The following GNAL variants were observed in gnomAD, a reference collection of about 807,000 sequenced individuals.
The protein encoded by GNAL is G protein subunit alpha L, also known as guanine nucleotide-binding protein G(olf) subunit alpha.
A neutral mutation model predicts 55.1 loss-of-function variants in GNAL; 18 were observed. The observed-to-expected ratio is 0.33, with a 90% CI of 0.23 to 0.48. The LOEUF is 0.48. Among genes scored for constraint, GNAL ranks in the 20% least tolerant of loss-of-function variants. The pLI, the probability that GNAL is intolerant of heterozygous loss-of-function variation, is 0.99. For synonymous variants in GNAL, 253 were observed against 237.0 expected (o/e 1.07, Z -0.62); for missense variants, 412 against 614.1 (o/e 0.67, Z 3.48).
intron 11 of GNAL, among the ~76,000 whole-genome samples, chr18:11,878,504 A>G (rs1304135064): frequency 6.6e-6 from 1 of 152,212 alleles, no homozygotes. Context: ...TAATGACTCC[A>G]TTCCCTTAAT....
At chr18:11,842,435 T>C (rs886212475) in intron 5 of GNAL, among the ~76,000 whole-genome samples, 2 of 152,204 alleles carry the variant, frequency 1.3e-5, no homozygotes, top group Non-Finnish European at 1.5e-5. Context: ...TGTGCTCTTC[T>C]ATTACGATTA....
chr18:11,837,003 GA>G (rs1400887799), intron 5 of GNAL, among the ~76,000 whole-genome samples: 1 of 152,126 alleles, frequency 6.6e-6, no homozygotes, highest in East Asian at 1.9e-4. Context: ...ACCCAGGCTG[GA>G]GTGCAGTGGC....
At chr18:11,793,664 G>A (rs2034297695) in intron 4 of GNAL, among the ~76,000 whole-genome samples, 1 of 148,604 alleles carries the variant, frequency 6.7e-6, no homozygotes, top group African/African-American at 2.5e-5. Flanking sequence ...AGTGGCTCAC[G>A]CCTGTAATCC....
At chr18:11,832,742 C>T (rs147644197) in intron 5 of GNAL, among the ~76,000 whole-genome samples, 2,527 of 151,968 alleles carry the variant, frequency 0.017, 68 homozygotes, top group African/African-American at 0.058. Context: ...CGCCTTTAAT[C>T]CCAGCTACTC....
intron 2 of GNAL, 83 bp downstream of exon 2, chr18:11,753,008 T>TTA: frequency 1.4e-6 from 1 of 714,486 alleles, no homozygotes; most frequent in Non-Finnish European, 2.5e-6. Context: ...CTCTAAACAA[T>TTA]TTTAATTTAT....
intron 1 of GNAL, among the ~76,000 whole-genome samples, chr18:11,706,890 AT>A (rs1447461812): frequency 2.0e-5 from 3 of 152,218 alleles, no homozygotes; most frequent in African/African-American, 7.2e-5. Context: ...CCTCAAAGCA[AT>A]CCATGAGGGT....
intron 1 of GNAL, among the ~76,000 whole-genome samples, chr18:11,708,264 G>A: frequency 6.6e-6 from 1 of 152,098 alleles, no homozygotes; most frequent in Non-Finnish European, 1.5e-5. Context: ...AACACTTAGA[G>A]GCTATTGTAG....
chr18:11,765,308 A>G (rs1381891997), intron 4 of GNAL, among the ~76,000 whole-genome samples: 2 of 152,226 alleles, frequency 1.3e-5, no homozygotes, highest in African/African-American at 2.4e-5. Flanking sequence ...ATAGTTGTAC[A>G]TGTTTATAGG....
chr18:11,725,125 C>G (rs1346984427), intron 1 of GNAL, among the ~76,000 whole-genome samples: 1 of 152,148 alleles, frequency 6.6e-6, no homozygotes, highest in Non-Finnish European at 1.5e-5. Context: ...AGTCACACAC[C>G]CAAATGTTAG....
At chr18:11,816,736 CCT>C (rs1167757197) in intron 4 of GNAL, among the ~76,000 whole-genome samples, 3 of 151,334 alleles carry the variant, frequency 2.0e-5, no homozygotes, top group Admixed American at 1.3e-4. Flanking sequence ...ATCTCTTGAA[CCT>C]GGGAGGCGGA....
chr18:11,855,887 G>C (rs901236428), intron 5 of GNAL, among the ~76,000 whole-genome samples: 20 of 148,800 alleles, frequency 1.3e-4, no homozygotes, highest in African/African-American at 5.2e-4. Context: ...CAGGAGAATT[G>C]CTTAAACCCG....
intron 4 of GNAL, among the ~76,000 whole-genome samples, chr18:11,813,768 C>A (rs756379665): frequency 3.3e-5 from 5 of 152,198 alleles, no homozygotes; most frequent in Non-Finnish European, 7.3e-5. Flanking sequence ...GTCCCAGCTA[C>A]TCAGGAGGCT....
At chr18:11,755,188 C>A (rs1340753700) in intron 4 of GNAL, among the ~76,000 whole-genome samples, 7 of 152,162 alleles carry the variant, frequency 4.6e-5, no homozygotes, top group Admixed American at 3.9e-4. Context: ...GGGCTGTGGC[C>A]CCTGGCTCAC....
intron 1 of GNAL, among the ~76,000 whole-genome samples, chr18:11,731,271 C>T (rs191293395): frequency 2.0e-3 from 298 of 152,338 alleles, no homozygotes; most frequent in African/African-American, 6.7e-3. Flanking sequence ...TCTCAGCCTC[C>T]GGAGTAGCTG....
intron 1 of GNAL, among the ~76,000 whole-genome samples, chr18:11,710,635 CTT>C (rs35833228): frequency 5.5e-5 from 8 of 144,976 alleles, no homozygotes; most frequent in African/African-American, 7.4e-5. Flanking sequence ...TTTCTCTCTC[CTT>C]TTTTTTTTTG....
chr18:11,868,281 CAA>C lies in GNAL; in HGVS notation c.911-261_911-260del, dbSNP rs764945788. 2.8e-4 allele frequency among the ~76,000 whole-genome samples: 42 copies of C among 150,936 alleles called. No homozygotes were observed. The highest frequency in any genetic ancestry group is 6.6e-4 in the Admixed American group (10 of 15,132). On this transcript the variant is annotated intron_variant, in intron 8 of 11. Transcript: ENST00000334049. This position sits in a 1 kb window ranked among gnomAD's most constrained non-coding sequence, Gnocchi z 4.0. ...TGCCATTGCACTCCAGCCTGGGAGA[CAA>C]GAGTGAAACTCCATCTCAAAAAAAA...
intron 10 of GNAL, among the ~76,000 whole-genome samples, chr18:11,875,778 C>T (rs1380426043): frequency 6.6e-6 from 1 of 152,146 alleles, no homozygotes; most frequent in Non-Finnish European, 1.5e-5. Flanking sequence ...GTCTTTATAG[C>T]AATGCAAGAA....
chr18:11,767,832 T>G (rs533779859), intron 4 of GNAL, among the ~76,000 whole-genome samples: 7 of 152,376 alleles, frequency 4.6e-5, no homozygotes, highest in Admixed American at 3.9e-4. Flanking sequence ...TGCTTTTTTT[T>G]CTTCCTCTAC....
intron 1 of GNAL, among the ~76,000 whole-genome samples, chr18:11,725,006 G>A (rs1368565493): frequency 4.6e-5 from 7 of 152,174 alleles, no homozygotes; most frequent in African/African-American, 1.2e-4. Flanking sequence ...CATATGGCCC[G>A]AAGGGGAGAG....
Sources: gnomAD v4.1 joint callset for allele counts (sites outside exome capture counted in the v4.1 genomes callset) on GRCh38, gnomAD v4.1.1 for gene constraint, Gnocchi (gnomAD v3.1) non-coding constraint, MANE v1.5 for transcripts, NCBI Gene and HGNC (gene_info 2026-07-23, HGNC 2026-07-21) for gene names.